Variants in KCNH1 observed in about 807,000 individuals in gnomAD.
KCNH1 encodes the protein voltage-gated delayed rectifier potassium channel KCNH1.
A neutral mutation model predicts 69.2 loss-of-function variants in KCNH1; 27 were observed. That is an observed-to-expected ratio of 0.39 (90% CI 0.29 to 0.54). KCNH1 has a LOEUF of 0.54. KCNH1 is among the 20% of genes least tolerant of loss of function. KCNH1 has a pLI of 0.68. For synonymous variants in KCNH1, 456 were observed against 487.7 expected, an observed-to-expected ratio of 0.93 and a Z score of 0.86; for missense variants, 798 against 1,261.6, an observed-to-expected ratio of 0.63 and a Z score of 5.57.
chr1:211,127,301 A>G (rs1691792769), intron 1 of KCNH1, among the ~76,000 whole-genome samples: 1 of 152,096 alleles, frequency 6.6e-6, no homozygotes, highest in Non-Finnish European at 1.5e-5. Context: ...TTTCAGTGAA[A>G]CAAATATAAA....
At chr1:211,009,021 T>C (rs1031015975) in intron 6 of KCNH1, among the ~76,000 whole-genome samples, 1 of 152,060 alleles carries the variant, frequency 6.6e-6, no homozygotes, top group Non-Finnish European at 1.5e-5. Context: ...AGGGGAAGAA[T>C]ATTCCAGGCA....
chr1:210,901,360 C>T (rs1288524277), intron 7 of KCNH1, among the ~76,000 whole-genome samples: 1 of 152,162 alleles, frequency 6.6e-6, no homozygotes, highest in Non-Finnish European at 1.5e-5. Flanking sequence ...GAGCTCACCT[C>T]AGTTCTCACC....
chr1:210,976,711 C>T lies in KCNH1; in HGVS notation c.1032+42072G>A, dbSNP rs554098304. On this transcript the variant is annotated intron_variant, in intron 6 of 10. Coordinates refer to ENST00000271751, the MANE Select transcript of KCNH1 (RefSeq NM_172362.3). ...AAGACTTGGAACCAACCCAAATGTC[C>T]GTCAATGACAGACTGGATTAAGAAT... Among the ~76,000 whole-genome samples the T allele has an allele frequency of 1.0e-3, 157 of 149,934 alleles. 5 individuals carry two copies. The highest frequency in any genetic ancestry group is 3.4e-3 in the South Asian group (16 of 4,750).
At chr1:210,822,367 TACCAGGC>T (rs1354803377) in intron 7 of KCNH1, among the ~76,000 whole-genome samples, 1 of 152,038 alleles carries the variant, frequency 6.6e-6, no homozygotes, top group Non-Finnish European at 1.5e-5. Context: ...GGAAGCCTTA[TACCAGGC>T]TAAGACACTT....
chr1:210,759,156 GACACACAC>G (rs60773247), intron 10 of KCNH1, among the ~76,000 whole-genome samples: 9 of 148,484 alleles, frequency 6.1e-5, no homozygotes, highest in South Asian at 4.3e-4. Flanking sequence ...CCAAATGATA[GACACACAC>G]ACACACACAC....
chr1:210,931,500 CTT>C (rs1199012433), intron 6 of KCNH1, among the ~76,000 whole-genome samples: 1 of 151,934 alleles, frequency 6.6e-6, no homozygotes, highest in African/African-American at 2.4e-5. Context: ...ATACATTGGA[CTT>C]TGGGGACTTG....
intron 7 of KCNH1, among the ~76,000 whole-genome samples, chr1:210,904,721 T>C (rs751248528): frequency 6.6e-6 from 1 of 152,068 alleles, no homozygotes; most frequent in Non-Finnish European, 1.5e-5. Context: ...GGAGTAATAA[T>C]AAAAGCAATA....
rs532029281 is a variant in KCNH1, at chr1:210,778,583, A to C, written c.1916-3039T>G. Among the ~76,000 whole-genome samples, 4 of 152,154 alleles carry C rather than the reference A, an allele frequency of 2.6e-5. No homozygotes were observed. In the South Asian group the frequency reaches 8.3e-4, roughly 32 times the overall value. ...AGGTTACGTAATATTCCAGCAGAAC[A>C]TCACAAATCATCCCAACTCTGAGCT... On this transcript the variant is annotated intron_variant, in intron 9 of 10. Transcript: ENST00000271751.
In KCNH1 at chr1:210,748,282, C is replaced by G. The variant is rs542748286; in HGVS notation, c.2112+27066G>C. On this transcript the variant is annotated intron_variant, in intron 10 of 10. Transcript: ENST00000271751. ...CCATGTTCACCCCTTGATGCCCAAC[C>G]CTGACCATCAGAAACAAAACACACA... 2.0e-5 allele frequency among the ~76,000 whole-genome samples: 3 copies of G among 152,282 alleles called. No individual in the cohort carries two copies. In the East Asian group the frequency reaches 5.8e-4, roughly 29 times the overall value.
intron 1 of KCNH1, among the ~76,000 whole-genome samples, chr1:211,124,314 T>C (rs1222448577): frequency 2.0e-5 from 3 of 152,084 alleles, no homozygotes; most frequent in South Asian, 4.1e-4. Flanking sequence ...TAAGTGCACA[T>C]CCCCTCACCA....
intron 6 of KCNH1, among the ~76,000 whole-genome samples, chr1:210,982,949 A>C (rs532570723): frequency 1.1e-3 from 168 of 152,266 alleles, no homozygotes; most frequent in African/African-American, 3.9e-3. Context: ...CTGACTTTTT[A>C]ATGATCGCCA....
chr1:210,936,123 G>A (rs1424409483), intron 6 of KCNH1, among the ~76,000 whole-genome samples: 1 of 152,202 alleles, frequency 6.6e-6, no homozygotes, highest in Non-Finnish European at 1.5e-5. Context: ...AGTTCTGACA[G>A]GCTTCCAGGT....
In KCNH1 at chr1:210,731,183, A is replaced by G. The variant is rs539550605; in HGVS notation, c.2112+44165T>C. 7.2e-4 allele frequency among the ~76,000 whole-genome samples: 110 copies of G among 152,306 alleles called. 10 individuals carry two copies. The highest frequency in any genetic ancestry group is 6.2e-4 in the South Asian group (3 of 4,818). ...ATGCTGAAATATTTCTGGCTCTCCC[A>G]TCACCTTCCCTAACTTCCTAGGAAA... is the stretch of plus-strand genomic sequence containing the variant. On this transcript the variant is annotated intron_variant, in intron 10 of 10. Transcript: ENST00000271751.
intron 7 of KCNH1, among the ~76,000 whole-genome samples, chr1:210,874,269 C>T (rs1165634848): frequency 1.3e-5 from 2 of 152,198 alleles, no homozygotes; most frequent in African/African-American, 4.8e-5. Flanking sequence ...CTAAATTAAA[C>T]AGTGCTGAAG....
intron 7 of KCNH1, 144 bp from the exon 8 acceptor site, chr1:210,804,310 A>G (rs1158875968): frequency 1.5e-6 from 1 of 665,840 alleles, no homozygotes; most frequent in African/African-American, 1.8e-5. Context: ...TATTCTCAGG[A>G]GACCCTCACA....
At chr1:211,123,582 G>A (rs970760683) in intron 1 of KCNH1, among the ~76,000 whole-genome samples, 2 of 152,058 alleles carry the variant, frequency 1.3e-5, no homozygotes, top group East Asian at 1.9e-4. Flanking sequence ...GATGGAAGAC[G>A]GTGACAGACG....
intron 3 of KCNH1, among the ~76,000 whole-genome samples, chr1:211,102,170 C>T (rs1691269553): frequency 6.6e-6 from 1 of 152,194 alleles, no homozygotes; most frequent in Non-Finnish European, 1.5e-5. Flanking sequence ...AGGCAGATTG[C>T]CCTCTCGCAT....
chr1:210,768,308 G>C (rs936341202), intron 10 of KCNH1, among the ~76,000 whole-genome samples: 2 of 152,060 alleles, frequency 1.3e-5, no homozygotes, highest in Non-Finnish European at 2.9e-5. Flanking sequence ...GAATAAAATA[G>C]GGCCTAGAGA....
chr1:210,815,488 C>A (rs536526241), intron 7 of KCNH1, among the ~76,000 whole-genome samples: 1 of 152,128 alleles, frequency 6.6e-6, no homozygotes, highest in Non-Finnish European at 1.5e-5. Flanking sequence ...CCAGCGGAAC[C>A]GAGTAGCCCC....
Sources: allele counts gnomAD v4.1 joint callset (sites outside exome capture counted in the v4.1 genomes callset), GRCh38; gene constraint gnomAD v4.1.1; transcripts MANE v1.5; gene names NCBI Gene and HGNC (gene_info 2026-07-23, HGNC 2026-07-21).